Variants in SVEP1 observed in about 807,000 individuals in gnomAD.
SVEP1 encodes sushi, von Willebrand factor type A, EGF and pentraxin domain-containing protein 1.
In SVEP1, 164 loss-of-function variants were observed where a neutral mutation model predicts 367.3. That is an observed-to-expected ratio of 0.45 (90% CI 0.39 to 0.51). The LOEUF (loss-of-function observed/expected upper bound fraction) is 0.51. Ranked by LOEUF, SVEP1 falls within the 20% of genes least tolerant of loss-of-function variation. The pLI, the probability that SVEP1 is intolerant of heterozygous loss-of-function variation, is 0.00. For missense variants in SVEP1, 4,117 were observed against 4,425.3 expected, an observed-to-expected ratio of 0.93 and a Z score of 1.98; for synonymous variants, 1,666 against 1,611.6, an observed-to-expected ratio of 1.03 and a Z score of -0.81.
chr9:110,542,341 G>A (rs76034567), intron 3 of SVEP1, among the ~76,000 whole-genome samples: 2,478 of 152,158 alleles, frequency 0.016, 69 homozygotes, highest in African/African-American at 0.054. Context: ...GTAGAATGAG[G>A]GGTTTAGAGC....
intron 43 of SVEP1, 60 bp from the exon 44 acceptor site, chr9:110,379,577 C>CTGTGT: frequency 1.3e-6 from 2 of 1,545,410 alleles, no homozygotes; most frequent in Non-Finnish European, 1.8e-6. Context: ...AGAACACAGT[C>CTGTGT]TCATCTCTCA....
chr9:110,479,707 T>G lies in SVEP1; in HGVS notation c.2415A>C (p.Lys805Asn), dbSNP rs371306753. The change falls in exon 13 of 48, where the codon AAA (lysine) becomes AAC (asparagine). Residue 805 changes from lysine (K) to asparagine (N), a missense_variant. Physicochemically the swap from Lys to Asn is moderately conservative, Grantham distance 94. Around this residue, in one of 4 missense-constraint regions of SVEP1, gnomAD observed 2,174 missense variants for 2,494.3 expected, o/e 0.87. Coordinates refer to ENST00000374469, the MANE Select transcript of SVEP1 (RefSeq NM_153366.4). ...HGFKSFEMFYKAARCDDTDLM... is the reference protein window; with the variant it reads ...HGFKSFEMFYNAARCDDTDLM... ...GATCTGTGTCATCACAACGAGCTGC[T>G]TTGTAGAACATCTCAAAGGACTTGA... The G allele has an allele frequency of 5.0e-6, 8 of 1,611,066 alleles. No individual in the cohort carries two copies. In the African/African-American group the frequency reaches 1.1e-4, roughly 22 times the overall value.
At chr9:110,535,572 A>G (rs1306509682) in intron 3 of SVEP1, among the ~76,000 whole-genome samples, 1 of 152,106 alleles carries the variant, frequency 6.6e-6, no homozygotes, top group Non-Finnish European at 1.5e-5. Flanking sequence ...TTTGATAGGA[A>G]TAGCATTGAA....
intron 3 of SVEP1, among the ~76,000 whole-genome samples, chr9:110,514,638 CTT>C (rs1829778073): frequency 6.6e-6 from 1 of 152,096 alleles, no homozygotes; most frequent in Admixed American, 6.5e-5. Context: ...GAAGTGGCCT[CTT>C]ATGTCCCACA....
At chr9:110,396,859 C>T (rs1355220617) in intron 40 of SVEP1, among the ~76,000 whole-genome samples, 1 of 149,562 alleles carries the variant, frequency 6.7e-6, no homozygotes, top group Non-Finnish European at 1.5e-5. Context: ...CAATAGCTTA[C>T]CAACCAAGAA....
Position 110,377,325 on chromosome 9 carries a change from G to A in SVEP1, c.10450C>T (p.Arg3484Cys), listed in dbSNP as rs189890058. The A allele has an allele frequency of 3.2e-5, 51 of 1,613,810 alleles. No homozygotes were observed. The highest frequency in any genetic ancestry group is 3.3e-4 in the Middle Eastern group (2 of 6,058). ...FPCQNGGICQ[R>C]PNACSCPEGW... is the part of the protein sequence containing the mutation. ...TCTGGACAGGAACAAGCATTTGGGC[G>A]TTGGCAGATGCCCCCATTCTGACAT... Residue 3484 changes from arginine (R) to cysteine (C), a missense_variant, in exon 45 of 48, where the codon CGC (arginine) becomes TGC (cysteine). Arg to Cys is a radical substitution (Grantham distance 180). This residue lies in a region of SVEP1 where 1,765 missense variants were observed against 1,781.1 expected (regional missense o/e 0.99). Transcript: ENST00000374469.
At chr9:110,434,561 C>A (rs1257118713) in intron 29 of SVEP1, 55 bp from the exon 30 acceptor site, 6 of 1,512,894 alleles carry the variant, frequency 4.0e-6, no homozygotes, top group Non-Finnish European at 5.4e-6. Flanking sequence ...GGTAGCATCA[C>A]CAAGTCAATG....
chr9:110,453,246 T>C (rs1828723005), intron 22 of SVEP1, among the ~76,000 whole-genome samples: 2 of 152,150 alleles, frequency 1.3e-5, no homozygotes, highest in South Asian at 2.1e-4. Context: ...CTGGATGATT[T>C]AGATGATCTC....
At chr9:110,379,799 G>C (rs1422987938) in intron 43 of SVEP1, among the ~76,000 whole-genome samples, 1 of 152,162 alleles carries the variant, frequency 6.6e-6, no homozygotes, top group Admixed American at 6.5e-5. Context: ...ATTAGCTCTT[G>C]TACCTCATCA....
chr9:110,512,925 C>A lies in SVEP1; in HGVS notation c.1303+1G>T. ...ACAATGTAAATTGGCAGTTTGCATA[C>A]CTCTGCAGTAGCTCTCTGAACCGGA... is the stretch of plus-strand genomic sequence containing the variant. On this transcript the variant is annotated splice_donor_variant, in intron 5 of 47. Coordinates refer to ENST00000374469, the MANE Select transcript of SVEP1 (RefSeq NM_153366.4). LOFTEE classifies it high-confidence loss of function. 1.2e-6 allele frequency: 2 copies of A among 1,613,910 alleles called. No individual in the cohort carries two copies. Among genetic ancestry groups the A allele is most frequent in the Non-Finnish European group, 1.7e-6 (2 of 1,179,874 alleles).
At chr9:110,459,742 ATCACTCTTTTCAC>A (rs967028029) in intron 18 of SVEP1, among the ~76,000 whole-genome samples, 1 of 152,142 alleles carries the variant, frequency 6.6e-6, no homozygotes, top group Non-Finnish European at 1.5e-5. Context: ...AGTGTATGAA[ATCACTCTTTTCAC>A]TACATGCTCT....
intron 47 of SVEP1, among the ~76,000 whole-genome samples, chr9:110,368,335 T>C (rs1334006257): frequency 6.6e-6 from 1 of 152,194 alleles, no homozygotes; most frequent in Non-Finnish European, 1.5e-5. Flanking sequence ...TAGCAAGAAT[T>C]ACAGTATATA....
At chr9:110,516,471 AAAGG>A (rs1206974987) in intron 3 of SVEP1, among the ~76,000 whole-genome samples, 1 of 152,028 alleles carries the variant, frequency 6.6e-6, no homozygotes, top group African/African-American at 2.4e-5. Flanking sequence ...AATTTAGCAT[AAAGG>A]AAACACTACT....
chr9:110,474,301 AG>A (rs1829067446), intron 14 of SVEP1, among the ~76,000 whole-genome samples: 1 of 152,120 alleles, frequency 6.6e-6, no homozygotes, highest in African/African-American at 2.4e-5. Context: ...TGCCTGGCCT[AG>A]TTTTAATTTT....
At chr9:110,557,519 C>A (rs1830370402) in intron 1 of SVEP1, among the ~76,000 whole-genome samples, 1 of 138,062 alleles carries the variant, frequency 7.2e-6, no homozygotes, top group African/African-American at 2.6e-5. Flanking sequence ...CTCTCCCTTT[C>A]TTTCTTTCTT....
chr9:110,401,903 G>C (rs10114333), intron 39 of SVEP1, among the ~76,000 whole-genome samples: 104,615 of 151,840 alleles, frequency 0.69, 36,101 homozygotes, highest in Middle Eastern at 0.8. Context: ...GGATAACAGT[G>C]TTAAACAGGA....
chr9:110,512,896 A>G (rs1223802131), intron 5 of SVEP1, 30 bp downstream of exon 5: 1 of 1,613,216 alleles, frequency 6.2e-7, no homozygotes, highest in Non-Finnish European at 8.5e-7. Context: ...AAGACAGTAA[A>G]TAAACAATGT....
intron 41 of SVEP1, among the ~76,000 whole-genome samples, chr9:110,388,268 A>G (rs1827556547): frequency 6.6e-6 from 1 of 152,194 alleles, no homozygotes; most frequent in South Asian, 2.1e-4. Context: ...GTAAAGTTAT[A>G]AAGAATGATT....
intron 1 of SVEP1, among the ~76,000 whole-genome samples, chr9:110,571,548 T>G (rs920383177): frequency 6.6e-6 from 1 of 152,188 alleles, no homozygotes; most frequent in African/African-American, 2.4e-5. Context: ...CAGAAGACAT[T>G]TCAGACCTGT....
Sources: gnomAD v4.1 joint callset for allele counts (sites outside exome capture counted in the v4.1 genomes callset) on GRCh38, gnomAD v4.1.1 for gene constraint, gnomAD v4.1.1 regional missense constraint, MANE v1.5 for transcripts, NCBI Gene and HGNC (gene_info 2026-07-23, HGNC 2026-07-21) for gene names.